GALNT18: variants seen among roughly 807,000 people sequenced by gnomAD.
GALNT18 encodes GalNAc-transferase 18.
A neutral mutation model predicts 69.5 loss-of-function variants in GALNT18; 44 were observed. The observed-to-expected ratio is 0.63, with a 90% CI of 0.50 to 0.81. The LOEUF (loss-of-function observed/expected upper bound fraction) is 0.81, where lower values mean the gene tolerates loss of function less well. GALNT18 is among the 40% of genes least tolerant of loss of function. The pLI is 0.00. For missense variants in GALNT18, 715 were observed against 810.0 expected (o/e 0.88, Z 1.42); for synonymous variants, 364 against 318.2 (o/e 1.14, Z -1.53).
At chr11:11,608,600 A>G (rs1859811327) in intron 1 of GALNT18, among the ~76,000 whole-genome samples, 1 of 151,896 alleles carries the variant, frequency 6.6e-6, no homozygotes, top group Non-Finnish European at 1.5e-5. Flanking sequence ...TGACCTCATG[A>G]TCCACCCGTC....
At chr11:11,283,070 C>T (rs1849117704) in intron 10 of GALNT18, among the ~76,000 whole-genome samples, 1 of 151,938 alleles carries the variant, frequency 6.6e-6, no homozygotes, top group Admixed American at 6.6e-5. Flanking sequence ...AGTCGTGGGC[C>T]CTGAGCTTGG....
At chr11:11,308,879 T>G (rs547200267) in intron 9 of GALNT18, among the ~76,000 whole-genome samples, 1 of 152,318 alleles carries the variant, frequency 6.6e-6, no homozygotes, top group East Asian at 1.9e-4. Flanking sequence ...TGGTATGCTG[T>G]GTTCCACTTT....
chr11:11,457,886 C>T (rs549052477), intron 1 of GALNT18, among the ~76,000 whole-genome samples: 4 of 152,342 alleles, frequency 2.6e-5, no homozygotes, highest in Admixed American at 2.6e-4. Context: ...TCTCTTTCTG[C>T]CCTCAGGCCA....
In GALNT18 at chr11:11,470,626, T is replaced by C. The variant is rs1856247386; in HGVS notation, c.236-21690A>G. Among the ~76,000 whole-genome samples, 1 of 152,136 alleles carries C rather than the reference T, an allele frequency of 6.6e-6. No individual in the cohort carries two copies. The highest frequency in any genetic ancestry group is 2.1e-4 in the South Asian group (1 of 4,818). On this transcript the variant is annotated intron_variant, in intron 1 of 10. Coordinates refer to ENST00000227756, the MANE Select transcript of GALNT18 (RefSeq NM_198516.3). The surrounding 1 kb of genome is among the most constrained non-coding windows in gnomAD (Gnocchi z 4.8). ...CTGTCTACTACTAAGCTAGCTGAGA[T>C]ATTGGCAGAGACAGGGGATTGACTG... is the stretch of plus-strand genomic sequence containing the variant.
intron 1 of GALNT18, among the ~76,000 whole-genome samples, chr11:11,460,539 C>T (rs766421859): frequency 6.6e-6 from 1 of 152,328 alleles, no homozygotes; most frequent in Non-Finnish European, 1.5e-5. Flanking sequence ...TGTGAAGGAG[C>T]CTTATCTCTG....
chr11:11,608,768 C>T (rs1250220090), intron 1 of GALNT18, among the ~76,000 whole-genome samples: 1 of 152,180 alleles, frequency 6.6e-6, no homozygotes, highest in Non-Finnish European at 1.5e-5. Context: ...TGACTGCCTG[C>T]ACACTCTCTT....
At chr11:11,504,742 A>G (rs1174614213) in intron 1 of GALNT18, among the ~76,000 whole-genome samples, 1 of 145,608 alleles carries the variant, frequency 6.9e-6, no homozygotes, top group Non-Finnish European at 1.5e-5. Flanking sequence ...TGGGTGACAG[A>G]GCAAGACCCC....
At chr11:11,352,616 G>A in intron 6 of GALNT18, 2 of 1,614,148 alleles carry the variant, frequency 1.2e-6, no homozygotes, top group Non-Finnish European at 1.7e-6. Context: ...GTAGCTTTCT[G>A]TGCTCATGAT....
chr11:11,464,254 G>A (rs1230005307), intron 1 of GALNT18, among the ~76,000 whole-genome samples: 1 of 152,132 alleles, frequency 6.6e-6, no homozygotes, highest in African/African-American at 2.4e-5. Context: ...TTTTTAAAGT[G>A]AACAAAAAAG....
chr11:11,275,808 G>GTT (rs1848931674), intron 10 of GALNT18, among the ~76,000 whole-genome samples: 1 of 152,166 alleles, frequency 6.6e-6, no homozygotes, highest in African/African-American at 2.4e-5. Flanking sequence ...CCCATTGCTT[G>GTT]TTTCAGTCAG....
chr11:11,455,197 G>C (rs983808246), intron 1 of GALNT18, among the ~76,000 whole-genome samples: 11 of 152,198 alleles, frequency 7.2e-5, no homozygotes, highest in African/African-American at 2.7e-4. Context: ...CAGCAAGTTT[G>C]TTCTATGCCA....
intron 5 of GALNT18, among the ~76,000 whole-genome samples, chr11:11,375,150 G>T (rs896906677): frequency 6.6e-6 from 1 of 152,184 alleles, no homozygotes; most frequent in Admixed American, 6.5e-5. Flanking sequence ...CCATGTGTGG[G>T]CAAAGCACTC....
chr11:11,287,749 T>A (rs1180884869), intron 10 of GALNT18, among the ~76,000 whole-genome samples: 2 of 152,292 alleles, frequency 1.3e-5, no homozygotes, highest in South Asian at 2.1e-4. Flanking sequence ...TCTAATATTA[T>A]GAAGTTTTGT....
At chr11:11,385,508 G>T (rs561809987) in intron 3 of GALNT18, among the ~76,000 whole-genome samples, 1 of 152,074 alleles carries the variant, frequency 6.6e-6, no homozygotes, top group Admixed American at 6.6e-5. Flanking sequence ...TGTTAGCCAG[G>T]ATGGTCTCGA....
intron 3 of GALNT18, among the ~76,000 whole-genome samples, chr11:11,418,210 G>A (rs549838075): frequency 2.6e-5 from 4 of 152,150 alleles, no homozygotes; most frequent in Admixed American, 6.5e-5. Context: ...ATACAGCATC[G>A]GGTGAGGCTT....
chr11:11,420,923 T>A (rs1854990560), intron 3 of GALNT18, among the ~76,000 whole-genome samples: 1 of 152,176 alleles, frequency 6.6e-6, no homozygotes, highest in Non-Finnish European at 1.5e-5. Context: ...AGGCCTTTTT[T>A]TTTTGTATTT....
chr11:11,508,338 T>C (rs1857107700), intron 1 of GALNT18, among the ~76,000 whole-genome samples: 1 of 152,194 alleles, frequency 6.6e-6, no homozygotes, highest in South Asian at 2.1e-4. Flanking sequence ...ATCTCTTTAT[T>C]AGATTCAGGT....
In GALNT18 at chr11:11,568,272, C is replaced by T. The variant is rs77877570; in HGVS notation, c.235+53087G>A. The stretch of plus-strand genomic sequence containing the variant: ...GGTTGTTTGTTATGCAGCCAGACTT[C>T]GCGACAACTGACTAATTACCCTTCA... On this transcript the variant is annotated intron_variant, in intron 1 of 10. Coordinates refer to ENST00000227756, the MANE Select transcript of GALNT18 (RefSeq NM_198516.3). Among the ~76,000 whole-genome samples, 931 of 152,178 alleles carry T rather than the reference C, an allele frequency of 6.1e-3. 7 individuals carry two copies. Among genetic ancestry groups the T allele is most frequent in the African/African-American group, 0.022 (894 of 41,540 alleles).
At position 11,463,904 on chromosome 11, in the gene GALNT18, C is replaced by G. The variant is rs975765656; in HGVS notation, c.236-14968G>C. On this transcript the variant is annotated intron_variant, in intron 1 of 10. Coordinates refer to ENST00000227756, the MANE Select transcript of GALNT18 (RefSeq NM_198516.3). The surrounding 1 kb of genome is among the most constrained non-coding windows in gnomAD (Gnocchi z 4.2). ...CGGAATGTGTGCAAAAACCGTCATG[C>G]TCATGATTTTGAAAGGGGGAAAAAT... Among the ~76,000 whole-genome samples, 3 of 152,148 alleles carry G rather than the reference C, an allele frequency of 2.0e-5. No homozygotes were observed. Among genetic ancestry groups the G allele is most frequent in the African/African-American group, 7.2e-5 (3 of 41,440 alleles).
Sources: gnomAD v4.1 joint callset for allele counts (sites outside exome capture counted in the v4.1 genomes callset) on GRCh38, gnomAD v4.1.1 for gene constraint, Gnocchi (gnomAD v3.1) non-coding constraint, MANE v1.5 for transcripts, NCBI Gene and HGNC (gene_info 2026-07-23, HGNC 2026-07-21) for gene names.